CENPP: variants seen among roughly 807,000 people sequenced by gnomAD.
CENPP encodes centromere protein P.
CENPP carries 24 observed loss-of-function variants against 35.6 expected under a neutral mutation model. That is an observed-to-expected ratio of 0.67 (90% CI 0.49 to 0.95). CENPP has a LOEUF of 0.95. Ranked by LOEUF, CENPP falls within the 40% of genes least tolerant of loss-of-function variation. The probability of loss-of-function intolerance (pLI) is 0.00; values close to 1 mark genes in which losing one functional copy is unlikely to be tolerated. For synonymous variants in CENPP, 120 were observed against 125.5 expected (o/e 0.96, Z 0.29); for missense variants, 332 against 345.3 (o/e 0.96, Z 0.31).
intron 4 of CENPP, among the ~76,000 whole-genome samples, chr9:92,374,429 C>T (rs1842081147): frequency 1.3e-5 from 2 of 152,114 alleles, no homozygotes; most frequent in Admixed American, 1.3e-4. Flanking sequence ...TGGTCTCGAA[C>T]TCCCAAACTC....
chr9:92,551,942 T>G (rs916707302), intron 5 of CENPP, among the ~76,000 whole-genome samples: 6 of 79,498 alleles, frequency 7.5e-5, no homozygotes, highest in African/African-American at 5.6e-4. Context: ...TATATATATA[T>G]ATATATATAT....
At chr9:92,372,167 T>A (rs1255714009) in intron 4 of CENPP, among the ~76,000 whole-genome samples, 1 of 133,076 alleles carries the variant, frequency 7.5e-6, no homozygotes, top group African/African-American at 2.7e-5. Context: ...TTAGCTGATA[T>A]AAGTATAGCC....
chr9:92,535,835 T>C (rs1486675580), intron 5 of CENPP: 5 of 342,854 alleles, frequency 1.5e-5, no homozygotes, highest in South Asian at 9.6e-5. Flanking sequence ...AGTAACGAGC[T>C]AATTTACTCA....
rs185971495 is a variant in CENPP, at chr9:92,595,433, G to C, written c.565-15881G>C. 3.9e-4 allele frequency among the ~76,000 whole-genome samples: 60 copies of C among 151,956 alleles called. 2 individuals carry two copies. Among genetic ancestry groups the C allele is most frequent in the Admixed American group, 3.6e-3 (55 of 15,270 alleles). On this transcript the variant is annotated intron_variant, in intron 5 of 7. Transcript: ENST00000375587. Reference sequence around the variant, plus strand: ...ATTTTTTATTTTTTGTGGAGATGGGGATCTTACCTTGTTGCCCAAGCTGGT... The same window carrying C: ...ATTTTTTATTTTTTGTGGAGATGGGCATCTTACCTTGTTGCCCAAGCTGGT...
rs1169721153 is a variant in CENPP, at chr9:92,325,995, C to G, written c.-4C>G. ...GCCGGCCCGGCTGCGGTCAGCAACG[C>G]GCCATGGACGCAGAGCTGGCAGAGG... On this transcript the variant is annotated 5_prime_UTR_variant, in exon 1 of 8. Coordinates refer to ENST00000375587, the MANE Select transcript of CENPP (RefSeq NM_001012267.3). 6.5e-7 allele frequency: 1 copy of G among 1,549,426 alleles called. No homozygotes were observed. Among genetic ancestry groups the G allele is most frequent in the Non-Finnish European group, 8.7e-7 (1 of 1,146,376 alleles).
rs1847563158 is a variant in CENPP at position 92,514,549 on chromosome 9, A to G, written c.565-96765A>G. 4 of 1,501,412 alleles carry G rather than the reference A, an allele frequency of 2.7e-6. No individual in the cohort carries two copies. The East Asian group carries it at 9.2e-5, about 34-fold the overall frequency. 93.0% of individuals were successfully genotyped at this position (1,501,412 alleles called of 1,614,324 possible). The stretch of plus-strand genomic sequence containing the variant: ...CTCAGCCTTTCAAAGTGCTGAGATT[A>G]TAGGCGTGAGCCACCGTGCCCAGCT... On this transcript the variant is annotated intron_variant, in intron 5 of 7. Coordinates refer to ENST00000375587, the MANE Select transcript of CENPP (RefSeq NM_001012267.3).
intron 5 of CENPP, among the ~76,000 whole-genome samples, chr9:92,399,104 G>A (rs776222725): frequency 1.3e-5 from 2 of 151,670 alleles, no homozygotes; most frequent in African/African-American, 4.8e-5. Flanking sequence ...AAAAGTAAAT[G>A]CATTTTTTAT....
chr9:92,370,761 C>T (rs1389566437), intron 4 of CENPP, among the ~76,000 whole-genome samples: 6 of 152,312 alleles, frequency 3.9e-5, no homozygotes, highest in East Asian at 1.9e-4. Context: ...GGATCACAGG[C>T]GTGAGCCACC....
intron 4 of CENPP, among the ~76,000 whole-genome samples, chr9:92,359,334 C>T (rs1245040610): frequency 3.3e-5 from 5 of 152,064 alleles, no homozygotes; most frequent in African/African-American, 1.2e-4. Context: ...GTGGTAACCC[C>T]CAAAGTCAGA....
intron 5 of CENPP, chr9:92,465,102 C>CATCCCAAGAATGAAT: frequency 2.0e-6 from 2 of 1,010,990 alleles, no homozygotes; most frequent in Non-Finnish European, 3.1e-6. Context: ...CAGAGAGACA[C>CATCCCAAGAATGAAT]ATCCCAAGAA....
At chr9:92,577,198 CAT>C (rs1341346877) in intron 5 of CENPP, among the ~76,000 whole-genome samples, 2 of 152,026 alleles carry the variant, frequency 1.3e-5, no homozygotes, top group African/African-American at 4.8e-5. Context: ...TCCAAAGAAA[CAT>C]GTGCACATGT....
intron 4 of CENPP, among the ~76,000 whole-genome samples, chr9:92,375,732 G>A (rs1842110941): frequency 6.6e-6 from 1 of 151,808 alleles, no homozygotes; most frequent in Non-Finnish European, 1.5e-5. Flanking sequence ...GCCATTTCCT[G>A]TTTGTTGCAT....
intron 5 of CENPP, among the ~76,000 whole-genome samples, chr9:92,554,336 AC>A (rs1211098282): frequency 6.6e-6 from 1 of 152,078 alleles, no homozygotes; most frequent in Non-Finnish European, 1.5e-5. Context: ...GGCACGTGCC[AC>A]CACTCCCAGC....
At chr9:92,569,402 A>T (rs1850077283) in intron 5 of CENPP, among the ~76,000 whole-genome samples, 1 of 152,090 alleles carries the variant, frequency 6.6e-6, no homozygotes, top group African/African-American at 2.4e-5. Flanking sequence ...GATGTGTGGT[A>T]TTCTTTCTGA....
At chr9:92,505,448 C>T (rs911529493) in intron 5 of CENPP, 1 of 1,203,208 alleles carries the variant, frequency 8.3e-7, no homozygotes, top group Non-Finnish European at 1.2e-6. Context: ...TAATTTACAT[C>T]ACAATAGTCT....
chr9:92,611,057 A>C, intron 5 of CENPP: 6 of 531,406 alleles, frequency 1.1e-5, no homozygotes, highest in Non-Finnish European at 1.0e-5. Context: ...AAATGAGAAT[A>C]CAGCTGTAGG....
At chr9:92,350,408 C>T (rs1841413146) in intron 4 of CENPP, among the ~76,000 whole-genome samples, 1 of 152,164 alleles carries the variant, frequency 6.6e-6, no homozygotes, top group Non-Finnish European at 1.5e-5. Context: ...TGCTGTAGTA[C>T]AGTATCCTTT....
At chr9:92,502,527 G>A (rs762736296) in intron 5 of CENPP, 1 of 1,612,728 alleles carries the variant, frequency 6.2e-7, no homozygotes, top group East Asian at 2.2e-5. Flanking sequence ...GATTTATCCA[G>A]GCTAAAGGAG....
chr9:92,474,475 G>A, intron 5 of CENPP: 1 of 1,103,712 alleles, frequency 9.1e-7, no homozygotes. Context: ...ATGTACTTTG[G>A]GGTTTGCTGT....
Sources: gnomAD v4.1 joint callset for allele counts (sites outside exome capture counted in the v4.1 genomes callset) on GRCh38, gnomAD v4.1.1 for gene constraint, MANE v1.5 for transcripts, NCBI Gene and HGNC (gene_info 2026-07-23, HGNC 2026-07-21) for gene names.